The following ZNF407 variants were observed in gnomAD, a reference collection of about 807,000 sequenced individuals.
ZNF407 encodes zinc finger protein 407.
ZNF407 carries 17 observed loss-of-function variants against 131.2 expected under a neutral mutation model. That is an observed-to-expected ratio of 0.13 (90% CI 0.09 to 0.19). The LOEUF (loss-of-function observed/expected upper bound fraction) is 0.19. Among genes scored for constraint, ZNF407 ranks in the 10% least tolerant of loss-of-function variants. ZNF407 has a pLI of 1.00. For synonymous variants in ZNF407, 1,156 were observed against 1,062.0 expected (o/e 1.09, Z -1.72); for missense variants, 2,681 against 2,830.6 (o/e 0.95, Z 1.20).
chr18:75,054,905 C>T (rs567584251), intron 8 of ZNF407, among the ~76,000 whole-genome samples: 4 of 152,206 alleles, frequency 2.6e-5, no homozygotes, highest in African/African-American at 9.7e-5. Context: ...CCATACAAAG[C>T]CTGAAGGGCA....
intron 3 of ZNF407, among the ~76,000 whole-genome samples, chr18:74,726,661 T>C (rs1186941554): frequency 6.6e-6 from 1 of 152,238 alleles, no homozygotes; most frequent in East Asian, 1.9e-4. Context: ...GTAACCTACA[T>C]GTGGAGTTAA....
chr18:74,991,814 T>C, intron 8 of ZNF407, among the ~76,000 whole-genome samples: 1 of 152,206 alleles, frequency 6.6e-6, no homozygotes, highest in Admixed American at 6.5e-5. Context: ...AAACTAATGT[T>C]CAGCCAAGTC....
chr18:74,645,200 T>C (rs1315627741), intron 3 of ZNF407, among the ~76,000 whole-genome samples: 1 of 152,076 alleles, frequency 6.6e-6, no homozygotes, highest in Non-Finnish European at 1.5e-5. Flanking sequence ...AGTATAAAGA[T>C]TATATCATCC....
intron 8 of ZNF407, among the ~76,000 whole-genome samples, chr18:75,053,714 C>T (rs1356807958): frequency 6.6e-6 from 1 of 152,194 alleles, no homozygotes; most frequent in African/African-American, 2.4e-5. Context: ...TCGTTTTCTA[C>T]CTTGACAATG....
At chr18:75,030,568 T>G (rs1005911794) in intron 8 of ZNF407, among the ~76,000 whole-genome samples, 1 of 152,212 alleles carries the variant, frequency 6.6e-6, no homozygotes, top group African/African-American at 2.4e-5. Context: ...TGCAGCAAAC[T>G]TACCTTTGAC....
intron 3 of ZNF407, among the ~76,000 whole-genome samples, chr18:74,644,010 G>T (rs956350299): frequency 2.6e-5 from 4 of 151,910 alleles, no homozygotes; most frequent in African/African-American, 4.8e-5. Flanking sequence ...CTATTAGGTC[G>T]TTAGGATTAA....
intron 3 of ZNF407, among the ~76,000 whole-genome samples, chr18:74,768,907 A>T (rs1969302485): frequency 6.6e-6 from 1 of 152,186 alleles, no homozygotes; most frequent in Non-Finnish European, 1.5e-5. Flanking sequence ...TGATATTTAT[A>T]GAGTCCTGTC....
intron 3 of ZNF407, among the ~76,000 whole-genome samples, chr18:74,751,873 T>G (rs955122348): frequency 7.9e-5 from 12 of 152,224 alleles, no homozygotes; most frequent in Non-Finnish European, 1.3e-4. Flanking sequence ...TTATAATCCT[T>G]TGGGGATATA....
chr18:74,933,647 G>T (rs1432154037), intron 8 of ZNF407, among the ~76,000 whole-genome samples: 1 of 152,164 alleles, frequency 6.6e-6, no homozygotes, highest in African/African-American at 2.4e-5. Flanking sequence ...CATTTTAGAA[G>T]ATATTAAATA....
intron 3 of ZNF407, among the ~76,000 whole-genome samples, chr18:74,651,515 T>G (rs1346322360): frequency 1.3e-5 from 2 of 152,116 alleles, no homozygotes; most frequent in African/African-American, 4.8e-5. Flanking sequence ...AGCGAGACTG[T>G]GTCATTAGAA....
chr18:74,931,903 G>A (rs1471004991), intron 8 of ZNF407, among the ~76,000 whole-genome samples: 1 of 152,054 alleles, frequency 6.6e-6, no homozygotes, highest in East Asian at 1.9e-4. Flanking sequence ...TGATTTTTGA[G>A]ATCATTTTTA....
chr18:74,905,143 G>A (rs546345528), intron 7 of ZNF407, among the ~76,000 whole-genome samples: 63 of 152,068 alleles, frequency 4.1e-4, no homozygotes, highest in Non-Finnish European at 7.6e-4. Flanking sequence ...TTTGTTTTTA[G>A]GCTTGTTTTT....
chr18:75,007,664 T>C (rs929342746), intron 8 of ZNF407, among the ~76,000 whole-genome samples: 16 of 152,240 alleles, frequency 1.1e-4, no homozygotes, highest in African/African-American at 3.4e-4. Flanking sequence ...GATATCTAAA[T>C]AATTGGTTCA....
At chr18:74,773,352 C>T (rs953907198) in intron 3 of ZNF407, among the ~76,000 whole-genome samples, 2 of 147,068 alleles carry the variant, frequency 1.4e-5, no homozygotes, top group African/African-American at 5.3e-5. Flanking sequence ...TTGGAACTAT[C>T]AGTAGAAGCC....
chr18:74,915,077 A>C (rs1599239323), intron 7 of ZNF407, among the ~76,000 whole-genome samples: 1 of 152,178 alleles, frequency 6.6e-6, no homozygotes, highest in Admixed American at 6.5e-5. Flanking sequence ...ACTCTTTCAT[A>C]GGGAAACACC....
intron 4 of ZNF407, among the ~76,000 whole-genome samples, chr18:74,792,231 A>G (rs1334602198): frequency 6.6e-6 from 1 of 152,094 alleles, no homozygotes; most frequent in East Asian, 1.9e-4. Context: ...GTGAAGGTCT[A>G]AATAATCTTT....
At chr18:74,820,634 C>G (rs189317891) in intron 4 of ZNF407, among the ~76,000 whole-genome samples, 1 of 152,302 alleles carries the variant, frequency 6.6e-6, no homozygotes, top group East Asian at 1.9e-4. Flanking sequence ...ACCAGTCGTT[C>G]AACCTTGCCA....
intron 1 of ZNF407, among the ~76,000 whole-genome samples, chr18:74,602,514 CAAT>C (rs1982626336): frequency 6.6e-6 from 1 of 152,112 alleles, no homozygotes; most frequent in South Asian, 2.1e-4. Context: ...GTGGTGGTAA[CAAT>C]AATAATGTTT....
intron 3 of ZNF407, among the ~76,000 whole-genome samples, chr18:74,686,767 T>C (rs1199824894): frequency 6.6e-6 from 1 of 152,234 alleles, no homozygotes; most frequent in East Asian, 1.9e-4. Flanking sequence ...AAAGTATGTT[T>C]GGAAAATGGT....
Sources: gnomAD v4.1 joint callset for allele counts (sites outside exome capture counted in the v4.1 genomes callset) on GRCh38, gnomAD v4.1.1 for gene constraint, MANE v1.5 for transcripts, NCBI Gene and HGNC (gene_info 2026-07-23, HGNC 2026-07-21) for gene names.